Variants in PCDHGA8 observed in about 807,000 individuals in gnomAD.
The protein encoded by PCDHGA8 is protocadherin gamma-A8.
PCDHGA8 carries 45 observed loss-of-function variants against 59.2 expected under a neutral mutation model. The ratio of observed to expected loss-of-function variants is 0.76; its 90% CI spans 0.60 to 0.98. The LOEUF is 0.98. Among genes scored for constraint, PCDHGA8 ranks in the 50% least tolerant of loss-of-function variants. PCDHGA8 has a pLI of 0.00. For missense variants in PCDHGA8, 1,257 were observed against 1,196.2 expected (o/e 1.05, Z -0.75); for synonymous variants, 531 against 519.0 (o/e 1.02, Z -0.32).
In PCDHGA8 at chr5:141,491,925, G is replaced by A. The variant is rs1019181943; in HGVS notation, c.2425-2882G>A. 5 of 1,325,176 alleles carry A rather than the reference G, an allele frequency of 3.8e-6. No homozygotes were observed. In the Admixed American group the frequency reaches 1.5e-4, roughly 39 times the overall value. 82.1% of individuals were successfully genotyped at this position (1,325,176 alleles called of 1,614,324 possible). A position where few individuals can be genotyped will look rare whatever the true frequency, so the allele number is the denominator to read the frequency against. On this transcript the variant is annotated intron_variant, in intron 1 of 3. Coordinates refer to ENST00000398604, the MANE Select transcript of PCDHGA8 (RefSeq NM_032088.2). The surrounding 1 kb of genome is among the most constrained non-coding windows in gnomAD (Gnocchi z 6.9). ...GGGTGGTGGCGACTGTGGGCGAGGG[G>A]AGGTGGGACCGACCCCCACCCCTAC...
intron 1 of PCDHGA8, chr5:141,492,079 G>A (rs1400390407): frequency 4.1e-6 from 2 of 486,168 alleles, no homozygotes; most frequent in African/African-American, 2.0e-5. Context: ...CGCCGGCTCC[G>A]GCACGCTTCG....
intron 1 of PCDHGA8, among the ~76,000 whole-genome samples, chr5:141,434,881 A>C (rs1221252749): frequency 6.6e-6 from 1 of 151,958 alleles, no homozygotes; most frequent in Non-Finnish European, 1.5e-5. Context: ...AGATACCAAC[A>C]ACAATCCAGT....
intron 1 of PCDHGA8, chr5:141,423,619 T>A (rs1389600826): frequency 1.2e-6 from 2 of 1,608,208 alleles, no homozygotes; most frequent in Non-Finnish European, 1.7e-6. Context: ...AGCTGAAGAC[T>A]CAGCTATCAT....
At position 141,393,825 on chromosome 5, in the gene PCDHGA8, G is replaced by A. The variant is rs2092852640; in HGVS notation, c.1012G>A (p.Glu338Lys). 10 of 1,613,964 alleles carry A rather than the reference G, an allele frequency of 6.2e-6. No homozygotes were observed. Among genetic ancestry groups the A allele is most frequent in the Non-Finnish European group, 8.5e-6 (10 of 1,179,892 alleles). ...LGRTKLLISVEDVNDNRPEVI... is the reference protein window; with the variant it reads ...LGRTKLLISVKDVNDNRPEVI... Reference sequence around the variant, plus strand: ...GAGGACCAAATTGCTCATTTCGGTGGAAGATGTAAATGACAATAGACCAGA... The same window carrying A: ...GAGGACCAAATTGCTCATTTCGGTGAAAGATGTAAATGACAATAGACCAGA... Residue 338 changes from glutamate (E) to lysine (K), a missense_variant, in exon 1 of 4, where the codon GAA becomes AAA. Coordinates refer to ENST00000398604, the MANE Select transcript of PCDHGA8 (RefSeq NM_032088.2).
chr5:141,405,032 G>T lies in PCDHGA8; in HGVS notation c.2424+9795G>T, dbSNP rs747720731. On this transcript the variant is annotated intron_variant, in intron 1 of 3. Coordinates refer to ENST00000398604, the MANE Select transcript of PCDHGA8 (RefSeq NM_032088.2). Reference sequence around the variant, plus strand: ...GGCCTCAGACCTTACCCTCTACCTCGTTGTGGCTGTGGCAGTCGTCTCCTG... The same window carrying T: ...GGCCTCAGACCTTACCCTCTACCTCTTTGTGGCTGTGGCAGTCGTCTCCTG... The T allele has an allele frequency of 1.9e-6, 3 of 1,613,806 alleles. No homozygotes were observed. Among genetic ancestry groups the T allele is most frequent in the Admixed American group, 3.3e-5 (2 of 59,992 alleles).
chr5:141,413,218 A>C, intron 1 of PCDHGA8: 1 of 1,613,610 alleles, frequency 6.2e-7, no homozygotes, highest in Non-Finnish European at 8.5e-7. Context: ...AAAGGATTGC[A>C]GCGGGCTGGT....
intron 1 of PCDHGA8, among the ~76,000 whole-genome samples, chr5:141,475,511 A>T (rs1240718716): frequency 6.6e-6 from 1 of 152,240 alleles, no homozygotes; most frequent in African/African-American, 2.4e-5. Context: ...TAATGTCTCC[A>T]CGGAAATGCT....
Position 141,476,416 on chromosome 5 carries a change from A to G in PCDHGA8, c.2425-18391A>G. On this transcript the variant is annotated intron_variant, in intron 1 of 3. Coordinates refer to ENST00000398604, the MANE Select transcript of PCDHGA8 (RefSeq NM_032088.2). The surrounding 1 kb of genome is among the most constrained non-coding windows in gnomAD (Gnocchi z 7.6). ...TGGATCGAGAGGAGCTGTGTGGGAC[A>G]CTGCCCTCTTGCACTGTAACTCTGG... 1 of 1,614,056 alleles carries G rather than the reference A, an allele frequency of 6.2e-7. No individual in the cohort carries two copies. The highest frequency in any genetic ancestry group is 8.5e-7 in the Non-Finnish European group (1 of 1,179,994).
At chr5:141,470,872 TTTTTTGTTTTTG>T (rs900302332) in intron 1 of PCDHGA8, among the ~76,000 whole-genome samples, 1 of 151,814 alleles carries the variant, frequency 6.6e-6, no homozygotes, top group Non-Finnish European at 1.5e-5. Context: ...GTTTGTTTGT[TTTTTTGTTTTTG>T]TTTTTGTTTT....
rs188827871 is a variant in PCDHGA8, at chr5:141,405,107, T to G, written c.2424+9870T>G. 137 of 1,613,998 alleles carry G rather than the reference T, an allele frequency of 8.5e-5. No homozygotes were observed. The Middle Eastern group carries it at 1.3e-3, about 16-fold the overall frequency. On this transcript the variant is annotated intron_variant, in intron 1 of 3. Coordinates refer to ENST00000398604, the MANE Select transcript of PCDHGA8 (RefSeq NM_032088.2). ...GCTGCTGGCCCTCAGGCTGAGGCAC[T>G]GGCACTCCTCGCATCTGCTGCGGGC...
At position 141,491,346 on chromosome 5, in the gene PCDHGA8, T is replaced by A. The variant is rs760843553; in HGVS notation, c.2425-3461T>A. ...TCATTGTGGCTCTAGCGACCGTCAG[T>A]CTCTTATCCCTAGTCACCTTCACCT... On this transcript the variant is annotated intron_variant, in intron 1 of 3. Coordinates refer to ENST00000398604, the MANE Select transcript of PCDHGA8 (RefSeq NM_032088.2). This position sits in a 1 kb window ranked among gnomAD's most constrained non-coding sequence, Gnocchi z 6.9. The A allele has an allele frequency of 6.2e-7, 1 of 1,614,088 alleles. No individual in the cohort carries two copies. The highest frequency in any genetic ancestry group is 1.1e-5 in the South Asian group (1 of 91,080).
chr5:141,449,588 CAAAAAAAAAAA>C (rs768743917), intron 1 of PCDHGA8, among the ~76,000 whole-genome samples: 1 of 57,492 alleles, frequency 1.7e-5, no homozygotes, highest in Non-Finnish European at 3.7e-5. Flanking sequence ...GACTCTGTCT[CAAAAAAAAAAA>C]AAAAAAAAGT....
At chr5:141,449,106 T>A (rs2154562506) in intron 1 of PCDHGA8, among the ~76,000 whole-genome samples, 2 of 152,314 alleles carry the variant, frequency 1.3e-5, no homozygotes, top group East Asian at 3.9e-4. Context: ...ATGCAGTATA[T>A]CTTTGGGATG....
At chr5:141,413,561 A>G in intron 1 of PCDHGA8, 1 of 1,613,924 alleles carries the variant, frequency 6.2e-7, no homozygotes. Flanking sequence ...GAAGTAACTG[A>G]TATCAATGAC....
Position 141,413,313 on chromosome 5 carries a change from C to T in PCDHGA8, c.2424+18076C>T, listed in dbSNP as rs1346034749. The T allele has an allele frequency of 1.9e-6, 3 of 1,613,842 alleles. No homozygotes were observed. The African/African-American group carries it at 4.0e-5, about 22-fold the overall frequency. On this transcript the variant is annotated intron_variant, in intron 1 of 3. Transcript: ENST00000398604. The stretch of plus-strand genomic sequence containing the variant: ...CAATTCCTGAGGAATTAGAGAAAGG[C>T]TCTTTCGTGGGCAACATCTCCAAGG...
intron 2 of PCDHGA8, among the ~76,000 whole-genome samples, chr5:141,501,290 T>TACAC (rs55762287): frequency 0.051 from 6,975 of 136,060 alleles, 192 homozygotes; most frequent in African/African-American, 0.071. Context: ...TATTCCCTTA[T>TACAC]ACACACACAC....
At chr5:141,463,265 A>G (rs2099055701) in intron 1 of PCDHGA8, among the ~76,000 whole-genome samples, 1 of 151,998 alleles carries the variant, frequency 6.6e-6, no homozygotes, top group African/African-American at 2.4e-5. Flanking sequence ...ACTCTATCCC[A>G]TAAATTCTGG....
chr5:141,442,798 A>G (rs1055527090), intron 1 of PCDHGA8, among the ~76,000 whole-genome samples: 1 of 152,256 alleles, frequency 6.6e-6, no homozygotes, highest in East Asian at 1.9e-4. Flanking sequence ...TTTTACTTTG[A>G]TATTCAAATT....
At position 141,505,499 on chromosome 5, in the gene PCDHGA8, G is replaced by A. The variant is rs753203943; in HGVS notation, c.2572+18G>A. ...CGCCAGTGGTAAGTGGTGTCAGTGT[G>A]TGTATGGAAGAGTGGGAGACCTGGG... is the stretch of plus-strand genomic sequence containing the variant. On this transcript the variant is annotated intron_variant, in intron 3 of 3. Transcript: ENST00000398604. 6.2e-7 allele frequency: 1 copy of A among 1,614,172 alleles called. No homozygotes were observed. The highest frequency in any genetic ancestry group is 8.5e-7 in the Non-Finnish European group (1 of 1,179,982).
Sources: allele counts gnomAD v4.1 joint callset (sites outside exome capture counted in the v4.1 genomes callset), GRCh38; gene constraint gnomAD v4.1.1; non-coding constraint Gnocchi (gnomAD v3.1); transcripts MANE v1.5; gene names NCBI Gene and HGNC (gene_info 2026-07-23, HGNC 2026-07-21).